The following CDH13 variants were observed in gnomAD, a reference collection of about 807,000 sequenced individuals.
The protein encoded by CDH13 is cadherin-13.
Under a neutral mutation model 63.8 loss-of-function variants are expected in CDH13, and 24 were observed. The observed-to-expected ratio is 0.38, with a 90% CI of 0.27 to 0.53. The LOEUF (loss-of-function observed/expected upper bound fraction) is 0.53. Ranked by LOEUF, CDH13 falls within the 20% of genes least tolerant of loss-of-function variation. CDH13 has a pLI of 0.85. For synonymous variants in CDH13, 503 were observed against 355.3 expected (o/e 1.42, Z -4.67); for missense variants, 1,049 against 903.1 (o/e 1.16, Z -2.07).
At chr16:83,572,077 G>T (rs1371780028) in intron 7 of CDH13, among the ~76,000 whole-genome samples, 3 of 152,042 alleles carry the variant, frequency 2.0e-5, no homozygotes, top group Non-Finnish European at 4.4e-5. Context: ...ACTCACAAAG[G>T]CTGACATGTG....
chr16:82,712,871 T>A (rs964263957), intron 1 of CDH13, among the ~76,000 whole-genome samples: 2 of 152,134 alleles, frequency 1.3e-5, no homozygotes, highest in Non-Finnish European at 2.9e-5. Context: ...CTCCGCTCTC[T>A]GGGGGCCACT....
chr16:83,254,937 TTTTTTC>T (rs1906027336), intron 5 of CDH13, among the ~76,000 whole-genome samples: 1 of 151,428 alleles, frequency 6.6e-6, no homozygotes, highest in African/African-American at 2.4e-5. Flanking sequence ...CTTTCTTGGA[TTTTTTC>T]TTTTTCTCTT....
At chr16:82,701,809 GC>G (rs1214010029) in intron 1 of CDH13, among the ~76,000 whole-genome samples, 1 of 151,998 alleles carries the variant, frequency 6.6e-6, no homozygotes, top group African/African-American at 2.4e-5. Context: ...TCAACCATTT[GC>G]TATGAACAAG....
chr16:83,595,551 C>T (rs1057118804), intron 7 of CDH13, among the ~76,000 whole-genome samples: 6 of 152,296 alleles, frequency 3.9e-5, no homozygotes, highest in African/African-American at 1.2e-4. Flanking sequence ...TTATGTCTTG[C>T]TCACATCACA....
chr16:83,410,433 C>T (rs1427739708), intron 6 of CDH13, among the ~76,000 whole-genome samples: 1 of 152,112 alleles, frequency 6.6e-6, no homozygotes, highest in East Asian at 1.9e-4. Context: ...CATTTCTAAG[C>T]ATCTGACCAC....
chr16:83,500,760 T>C (rs935665875), intron 7 of CDH13, among the ~76,000 whole-genome samples: 21 of 149,996 alleles, frequency 1.4e-4, no homozygotes, highest in African/African-American at 4.9e-4. Context: ...GTTTTATTTT[T>C]GTGGAGACGG....
chr16:83,587,907 C>T (rs983037150), intron 7 of CDH13, among the ~76,000 whole-genome samples: 3 of 150,968 alleles, frequency 2.0e-5, no homozygotes, highest in African/African-American at 7.3e-5. Context: ...CCCCAGCTGG[C>T]TTTGTTGAGA....
chr16:83,202,138 G>A (rs1010628123), intron 4 of CDH13, among the ~76,000 whole-genome samples: 1 of 152,116 alleles, frequency 6.6e-6, no homozygotes, highest in Non-Finnish European at 1.5e-5. Context: ...GACTTCAAAG[G>A]TCCTCAGTCT....
At chr16:83,016,687 C>G (rs1914831979) in intron 2 of CDH13, among the ~76,000 whole-genome samples, 1 of 152,088 alleles carries the variant, frequency 6.6e-6, no homozygotes, top group Non-Finnish European at 1.5e-5. Context: ...CCCCTAAACA[C>G]TACCCTGCCA....
intron 5 of CDH13, among the ~76,000 whole-genome samples, chr16:83,298,383 AG>A (rs2089653952): frequency 6.6e-6 from 1 of 152,220 alleles, no homozygotes; most frequent in Admixed American, 6.5e-5. Flanking sequence ...AACTTTTGAA[AG>A]CAGTATTTCT....
chr16:82,965,995 C>A (rs1164951959), intron 2 of CDH13, among the ~76,000 whole-genome samples: 1 of 152,186 alleles, frequency 6.6e-6, no homozygotes, highest in African/African-American at 2.4e-5. Context: ...GTCAGCCAAT[C>A]AGTCAACGAG....
chr16:83,375,720 A>G (rs1333820833), intron 6 of CDH13, among the ~76,000 whole-genome samples: 1 of 152,166 alleles, frequency 6.6e-6, no homozygotes, highest in Non-Finnish European at 1.5e-5. Context: ...AGTGATTGGT[A>G]ATCTGAGTCT....
Position 83,800,433 on chromosome 16 carries a change from T to C in CDH13, c.*5403T>C, listed in dbSNP as rs1286620131. ...AAAAATTTTAAGAAATTTTAAATGC[T>C]TTTTATTCACACACACTTTTCAAAA... On this transcript the variant is annotated 3_prime_UTR_variant, in exon 14 of 14. Transcript: ENST00000567109. The C allele has an allele frequency of 6.6e-6, 1 of 152,200 alleles. No homozygotes were observed. The highest frequency in any genetic ancestry group is 1.5e-5 in the Non-Finnish European group (1 of 68,030). The allele number at this position is 152,200 out of a possible 1,614,324, so 9.4% of individuals were successfully genotyped here.
At chr16:83,137,934 A>G (rs2151669476) in intron 4 of CDH13, among the ~76,000 whole-genome samples, 2 of 151,350 alleles carry the variant, frequency 1.3e-5, no homozygotes, top group South Asian at 4.2e-4. Context: ...TCCGGCTTGG[A>G]GCTAGCTCTG....
chr16:83,197,941 CTG>C (rs2038922161), intron 4 of CDH13, among the ~76,000 whole-genome samples: 1 of 151,970 alleles, frequency 6.6e-6, no homozygotes, highest in African/African-American at 2.4e-5. Flanking sequence ...ATTAGGGAAA[CTG>C]GGTAAAAGAG....
chr16:82,892,084 C>T (rs148032191), intron 2 of CDH13, among the ~76,000 whole-genome samples: 5 of 152,244 alleles, frequency 3.3e-5, no homozygotes, highest in African/African-American at 1.2e-4. Flanking sequence ...GCCTCCCTTC[C>T]AACCTCAGCT....
chr16:82,662,573 C>G (rs760250193), intron 1 of CDH13, among the ~76,000 whole-genome samples: 1 of 152,144 alleles, frequency 6.6e-6, no homozygotes, highest in Non-Finnish European at 1.5e-5. Context: ...TAAATCCATC[C>G]CCACCACTAT....
intron 1 of CDH13, among the ~76,000 whole-genome samples, chr16:82,671,816 T>TTA (rs1360337732): frequency 1.3e-5 from 2 of 152,156 alleles, no homozygotes; most frequent in Non-Finnish European, 2.9e-5. Context: ...ACCCTTTGGA[T>TTA]TATAAAAGAA....
intron 1 of CDH13, among the ~76,000 whole-genome samples, chr16:82,691,094 T>C (rs916952519): frequency 2.0e-5 from 3 of 152,236 alleles, no homozygotes; most frequent in Non-Finnish European, 2.9e-5. Context: ...TGGGCATCTA[T>C]GGTGTACCAG....
Sources: gnomAD v4.1 joint callset for allele counts (sites outside exome capture counted in the v4.1 genomes callset) on GRCh38, gnomAD v4.1.1 for gene constraint, MANE v1.5 for transcripts, NCBI Gene and HGNC (gene_info 2026-07-23, HGNC 2026-07-21) for gene names.